The following C1GALT1 variants were observed in gnomAD, a reference collection of about 807,000 sequenced individuals.
C1GALT1 encodes the protein core 1 synthase, glycoprotein-N-acetylgalactosamine 3-beta-galactosyltransferase 1.
In C1GALT1, 11 loss-of-function variants were observed where a neutral mutation model predicts 31.0. That is an observed-to-expected ratio of 0.36 (90% confidence interval 0.22 to 0.59). The LOEUF is 0.59. C1GALT1 is among the 20% of genes least tolerant of loss of function. The probability of loss-of-function intolerance (pLI) is 0.79; values close to 1 mark genes in which losing one functional copy is unlikely to be tolerated. For missense variants in C1GALT1, 424 were observed against 425.2 expected (o/e 1.00, Z 0.03); for synonymous variants, 175 against 143.6 (o/e 1.22, Z -1.56).
At chr7:7,172,515 G>A (rs1045496833) in intron 2 of C1GALT1, among the ~76,000 whole-genome samples, 1 of 151,990 alleles carries the variant, frequency 6.6e-6, no homozygotes, top group Non-Finnish European at 1.5e-5. Flanking sequence ...GGAAGTTTCT[G>A]GCTATAATTT....
rs1194095143 is a variant in C1GALT1 at position 7,238,732 on chromosome 7, C to T, written c.698C>T (p.Thr233Ile). 1 of 1,613,856 alleles carries T rather than the reference C, an allele frequency of 6.2e-7. No homozygotes were observed. The highest frequency in any genetic ancestry group is 2.2e-5 in the East Asian group (1 of 44,866). Residue 233 changes from threonine (T) to isoleucine (I), a missense_variant, in exon 3 of 4, where the codon ACA becomes ATA. Around this residue, in one of 3 missense-constraint regions of C1GALT1, gnomAD observed 191 missense variants for 188.8 expected, o/e 1.01. Coordinates refer to ENST00000436587, the MANE Select transcript of C1GALT1 (RefSeq NM_020156.5). The surrounding 1 kb of genome is among the most constrained non-coding windows in gnomAD (Gnocchi z 5.2). ...FVDAFKTDKC[T>I]HSSSIEDLAL... ...GATGCATTTAAAACAGACAAGTGTA[C>T]ACATAGTTCCTCCATTGAAGACTTA...
chr7:7,208,748 G>T (rs1562574854), intron 1 of C1GALT1, among the ~76,000 whole-genome samples: 1 of 152,078 alleles, frequency 6.6e-6, no homozygotes, highest in South Asian at 2.1e-4. Context: ...TGGAGGACGG[G>T]GTCCTTATTG....
In C1GALT1 at chr7:7,245,466, C is replaced by T. The variant is rs1783805771; in HGVS notation, c.*1739C>T. 1 of 152,258 alleles carries T rather than the reference C, an allele frequency of 6.6e-6. No homozygotes were observed. Among genetic ancestry groups the T allele is most frequent in the African/African-American group, 2.4e-5 (1 of 41,466 alleles). 9.4% of individuals were successfully genotyped at this position (152,258 alleles called of 1,614,324 possible). A position where few individuals can be genotyped will look rare whatever the true frequency, so the allele number is the denominator to read the frequency against. On this transcript the variant is annotated 3_prime_UTR_variant, in exon 4 of 4. Transcript: ENST00000436587. ...GTGCTGGGATTACGAGCGTGAGTCA[C>T]AGCACCCGGCTAAGTAATTTCTATT...
rs371237002 is a variant in C1GALT1 at position 7,190,176 on chromosome 7, G to C, written c.-18+7356G>C. On this transcript the variant is annotated intron_variant, in intron 1 of 3. Transcript: ENST00000436587. ...GAACCAGGGTTATTATAGGATTTTG[G>C]AGAATGGTGGAGTTTGGATAAAGTT... Among the ~76,000 whole-genome samples the C allele has an allele frequency of 6.6e-5, 10 of 152,244 alleles. No homozygotes were observed. In the East Asian group the frequency reaches 1.9e-3, roughly 29 times the overall value.
intron 1 of C1GALT1, among the ~76,000 whole-genome samples, chr7:7,233,486 T>G (rs1783186165): frequency 6.6e-6 from 1 of 152,204 alleles, no homozygotes; most frequent in African/African-American, 2.4e-5. Context: ...TTGTCCAGGC[T>G]GGTCTCAAGC....
chr7:7,183,157 G>T (rs1336591800), intron 1 of C1GALT1, among the ~76,000 whole-genome samples: 1 of 152,014 alleles, frequency 6.6e-6, no homozygotes, highest in Non-Finnish European at 1.5e-5. Context: ...CGGCGCGGCG[G>T]GGCGCGCAGT....
intron 1 of C1GALT1, among the ~76,000 whole-genome samples, chr7:7,210,284 G>A (rs76786125): frequency 0.041 from 6,214 of 152,150 alleles, 285 homozygotes; most frequent in African/African-American, 0.12. Context: ...GACTTGGGGA[G>A]CTTGATTTTG....
chr7:7,224,899 G>A (rs371108682), intron 1 of C1GALT1, among the ~76,000 whole-genome samples: 102 of 152,054 alleles, frequency 6.7e-4, no homozygotes, highest in African/African-American at 2.1e-3. Flanking sequence ...TGTATTAAGC[G>A]TATTTAAGTG....
In C1GALT1 at chr7:7,244,833, T is replaced by G. The variant is rs558447297; in HGVS notation, c.*1106T>G. On this transcript the variant is annotated 3_prime_UTR_variant, in exon 4 of 4. Transcript: ENST00000436587. ...AGATTTTGATGAGAATTAAAAACAATAGAAAATGTAGAGTGCTTAAACAAA... is the reference window on the plus strand; with the variant it reads ...AGATTTTGATGAGAATTAAAAACAAGAGAAAATGTAGAGTGCTTAAACAAA... 6.6e-6 allele frequency: 1 copy of G among 152,160 alleles called. No individual in the cohort carries two copies. Among genetic ancestry groups the G allele is most frequent in the African/African-American group, 2.4e-5 (1 of 41,454 alleles). The allele number at this position is 152,160 out of a possible 1,614,324, so 9.4% of individuals were successfully genotyped here.
chr7:7,233,327 A>G (rs542598719), intron 1 of C1GALT1, among the ~76,000 whole-genome samples: 1 of 151,956 alleles, frequency 6.6e-6, no homozygotes, highest in South Asian at 2.1e-4. Context: ...TGAGTGGTGC[A>G]GTCTTGGCAC....
At chr7:7,187,505 T>G (rs934999530) in intron 1 of C1GALT1, among the ~76,000 whole-genome samples, 4 of 152,174 alleles carry the variant, frequency 2.6e-5, no homozygotes, top group Non-Finnish European at 5.9e-5. Flanking sequence ...GTGGAGAGGT[T>G]GTTACCTGGA....
chr7:7,225,315 C>T (rs966009249), intron 1 of C1GALT1, among the ~76,000 whole-genome samples: 8 of 152,118 alleles, frequency 5.3e-5, no homozygotes, highest in African/African-American at 1.9e-4. Flanking sequence ...TTTTACTTCC[C>T]TGTGTCATTA....
chr7:7,186,887 A>G (rs1780839231), intron 1 of C1GALT1, among the ~76,000 whole-genome samples: 1 of 152,220 alleles, frequency 6.6e-6, no homozygotes. Flanking sequence ...TAGGATGCAG[A>G]TTGTGGGTAG....
At chr7:7,207,289 TG>T (rs1256473210) in intron 1 of C1GALT1, among the ~76,000 whole-genome samples, 3 of 151,284 alleles carry the variant, frequency 2.0e-5, no homozygotes, top group African/African-American at 7.3e-5. Flanking sequence ...AATTTTTGTG[TG>T]TATCCTTTTA....
At chr7:7,231,433 G>A (rs1783066594) in intron 1 of C1GALT1, among the ~76,000 whole-genome samples, 1 of 152,002 alleles carries the variant, frequency 6.6e-6, no homozygotes, top group South Asian at 2.1e-4. Context: ...TTCCCTCAAA[G>A]GTTCCAGTTA....
At chr7:7,194,939 C>A (rs547122165) in intron 1 of C1GALT1, among the ~76,000 whole-genome samples, 1 of 151,928 alleles carries the variant, frequency 6.6e-6, no homozygotes, top group Admixed American at 6.6e-5. Context: ...CATCTCCTCT[C>A]GATTTTCTAG....
At chr7:7,183,080 C>G (rs1780655664) in intron 1 of C1GALT1, among the ~76,000 whole-genome samples, 1 of 152,156 alleles carries the variant, frequency 6.6e-6, no homozygotes. Context: ...GACATGTACC[C>G]TCCTCTTCGT....
chr7:7,175,228 ACT>A (rs1780492696), intron 2 of C1GALT1, among the ~76,000 whole-genome samples: 1 of 152,128 alleles, frequency 6.6e-6, no homozygotes, highest in Admixed American at 6.6e-5. Flanking sequence ...GTCATGGAAG[ACT>A]CTGTCCCTTA....
At chr7:7,226,163 G>T (rs1347726138) in intron 1 of C1GALT1, among the ~76,000 whole-genome samples, 1 of 152,074 alleles carries the variant, frequency 6.6e-6, no homozygotes, top group African/African-American at 2.4e-5. Flanking sequence ...TAAATGTAAG[G>T]TGTGTGACTG....
Sources: gnomAD v4.1 joint callset for allele counts (sites outside exome capture counted in the v4.1 genomes callset) on GRCh38, gnomAD v4.1.1 for gene constraint, gnomAD v4.1.1 regional missense constraint, Gnocchi (gnomAD v3.1) non-coding constraint, MANE v1.5 for transcripts, NCBI Gene and HGNC (gene_info 2026-07-23, HGNC 2026-07-21) for gene names.